Variants in AKAP13 observed in about 807,000 individuals in gnomAD.
AKAP13 encodes A-kinase anchoring protein 13, also known as A-kinase anchor protein 13.
AKAP13 carries 80 observed loss-of-function variants against 264.5 expected under a neutral mutation model. The observed-to-expected ratio is 0.30, with a 90% confidence interval of 0.25 to 0.36. The LOEUF is 0.36. Ranked by LOEUF, AKAP13 falls within the 10% of genes least tolerant of loss-of-function variation. The pLI is 1.00. For missense variants in AKAP13, 3,712 were observed against 3,435.2 expected, an observed-to-expected ratio of 1.08 and a Z score of -2.01; for synonymous variants, 1,380 against 1,250.2, an observed-to-expected ratio of 1.10 and a Z score of -2.19.
chr15:85,560,352 G>T (rs2151260423), intron 5 of AKAP13, among the ~76,000 whole-genome samples: 1 of 151,832 alleles, frequency 6.6e-6, no homozygotes, highest in African/African-American at 2.4e-5. Flanking sequence ...TCCCTGTTTT[G>T]CCCAGCCTGG....
At position 85,581,717 on chromosome 15, in the gene AKAP13, C is replaced by T. The variant is rs777358897; in HGVS notation, c.3649C>T (p.Arg1217Ter). ...CCCAGCTGGTGTGAGGGAAGTCATG[C>T]GAGCCCCGCCTTCAGGCAGGGAAAG... ...GAPAGVREVM[R>*]APPSGRERST... Residue 1217 changes from arginine to a stop codon, truncating the protein, a stop_gained, in exon 7 of 37, where the codon CGA becomes TGA. Coordinates refer to ENST00000394518, the MANE Select transcript of AKAP13 (RefSeq NM_007200.5). LOFTEE classifies it high-confidence loss of function. 2.5e-6 allele frequency: 4 copies of T among 1,614,134 alleles called. No individual in the cohort carries two copies. Among genetic ancestry groups the T allele is most frequent in the Non-Finnish European group, 2.5e-6 (3 of 1,180,012 alleles).
chr15:85,452,459 C>G (rs908725935), intron 1 of AKAP13, among the ~76,000 whole-genome samples: 4 of 152,146 alleles, frequency 2.6e-5, no homozygotes, highest in Admixed American at 6.5e-5. Context: ...ATTTGAGTTA[C>G]TAGAGTTCTT....
chr15:85,704,205 C>A (rs576274950), intron 17 of AKAP13, among the ~76,000 whole-genome samples: 74 of 152,296 alleles, frequency 4.9e-4, no homozygotes, highest in African/African-American at 1.7e-3. Context: ...AACTGAAGTA[C>A]TGGAAGACCT....
chr15:85,553,657 A>G (rs2078041388), intron 5 of AKAP13, among the ~76,000 whole-genome samples: 1 of 152,216 alleles, frequency 6.6e-6, no homozygotes, highest in Admixed American at 6.5e-5. Flanking sequence ...TAAAAAGCAC[A>G]TAAGGAGATT....
At chr15:85,522,711 C>G (rs2076865552) in intron 3 of AKAP13, among the ~76,000 whole-genome samples, 1 of 152,068 alleles carries the variant, frequency 6.6e-6, no homozygotes, top group Non-Finnish European at 1.5e-5. Flanking sequence ...CCTACCCAAG[C>G]CAAGCAGAAT....
At chr15:85,425,600 C>T (rs1170113204) in intron 1 of AKAP13, among the ~76,000 whole-genome samples, 2 of 151,694 alleles carry the variant, frequency 1.3e-5, no homozygotes, top group Non-Finnish European at 1.5e-5. Context: ...CCTGTAATCC[C>T]ATCTACTCGG....
intron 27 of AKAP13, 171 bp from the exon 28 acceptor site, chr15:85,726,895 T>C (rs1384569507): frequency 2.9e-6 from 2 of 699,196 alleles, no homozygotes; most frequent in East Asian, 2.7e-5. Context: ...AATCTTTTTT[T>C]GTTAAAATCT....
chr15:85,715,126 A>C (rs2086854840), intron 19 of AKAP13, among the ~76,000 whole-genome samples: 1 of 152,158 alleles, frequency 6.6e-6, no homozygotes, highest in Non-Finnish European at 1.5e-5. Flanking sequence ...TGTTAAAGTA[A>C]ATACAACTTG....
In AKAP13 at chr15:85,580,326, C is replaced by G. The variant is rs771470376; in HGVS notation, c.2258C>G (p.Thr753Arg). ...RKDVKLDKPLTNMLEVVSHPH... is the reference protein window; with the variant it reads ...RKDVKLDKPLRNMLEVVSHPH... Reference sequence around the variant, plus strand: ...GATGTGAAACTAGATAAACCTTTAACAAATATGCTTGAGGTGGTTTCACAT... The same window carrying G: ...GATGTGAAACTAGATAAACCTTTAAGAAATATGCTTGAGGTGGTTTCACAT... The change falls in exon 7 of 37, where the codon ACA becomes AGA. Residue 753 changes from threonine (T) to arginine (R), a missense_variant. Coordinates refer to ENST00000394518, the MANE Select transcript of AKAP13 (RefSeq NM_007200.5). The G allele has an allele frequency of 6.2e-6, 10 of 1,614,206 alleles. No individual in the cohort carries two copies. Among genetic ancestry groups the G allele is most frequent in the Non-Finnish European group, 8.5e-7 (1 of 1,180,034 alleles).
At chr15:85,533,479 A>G (rs2077303546) in intron 3 of AKAP13, 105 bp from the exon 4 acceptor site, 3 of 1,121,846 alleles carry the variant, frequency 2.7e-6, no homozygotes, top group Non-Finnish European at 3.6e-6. Flanking sequence ...GTTTTTTAGG[A>G]GGAGAAATTT....
chr15:85,418,047 TTTATTA>T (rs57875971), intron 1 of AKAP13, among the ~76,000 whole-genome samples: 121 of 146,800 alleles, frequency 8.2e-4, no homozygotes, highest in African/African-American at 2.9e-3. Flanking sequence ...ATCTTCATTA[TTTATTA>T]TTATTATTAT....
Position 85,735,077 on chromosome 15 carries a change from C to T in AKAP13, c.7368C>T (p.Val2456=), listed in dbSNP as rs369617568. ...TVSSPIEQDV[V]GPVSLPRRAE... ...GCAGCCCCATTGAGCAAGATGTGGT[C>T]GGTCCCGTTTCCCTGCCCCGGAGAG... Residue 2456 remains valine, a synonymous_variant, in exon 31 of 37, where the codon GTC becomes GTT. Transcript: ENST00000394518. The T allele has an allele frequency of 2.5e-5, 40 of 1,614,080 alleles. No individual in the cohort carries two copies. Among genetic ancestry groups the T allele is most frequent in the Non-Finnish European group, 2.9e-5 (34 of 1,180,044 alleles).
intron 5 of AKAP13, among the ~76,000 whole-genome samples, chr15:85,555,974 A>C (rs2078129096): frequency 6.6e-6 from 1 of 152,254 alleles, no homozygotes. Flanking sequence ...GCTTCTGATA[A>C]ATATTACATC....
intron 9 of AKAP13, among the ~76,000 whole-genome samples, chr15:85,640,625 C>G (rs1567170199): frequency 6.6e-6 from 1 of 152,150 alleles, no homozygotes; most frequent in Non-Finnish European, 1.5e-5. Flanking sequence ...TGGCCCTGTT[C>G]ACAGATTTAG....
intron 8 of AKAP13, among the ~76,000 whole-genome samples, chr15:85,637,785 A>T (rs2082127446): frequency 6.6e-6 from 1 of 151,656 alleles, no homozygotes; most frequent in African/African-American, 2.4e-5. Context: ...TGCTTTAGTT[A>T]TATCCACACA....
chr15:85,451,174 A>G (rs913097924), intron 1 of AKAP13, among the ~76,000 whole-genome samples: 1 of 151,720 alleles, frequency 6.6e-6, no homozygotes, highest in Admixed American at 6.6e-5. Flanking sequence ...TAGGATTGCA[A>G]CCTTTTTTGT....
chr15:85,658,637 A>G (rs111874174), intron 12 of AKAP13, 47 bp downstream of exon 12: 19 of 1,517,878 alleles, frequency 1.3e-5, no homozygotes, highest in Middle Eastern at 1.7e-4. Context: ...ACCTCTGAGC[A>G]TATACTAACA....
chr15:85,474,865 A>G (rs2075096969), intron 1 of AKAP13, among the ~76,000 whole-genome samples: 1 of 152,196 alleles, frequency 6.6e-6, no homozygotes, highest in Admixed American at 6.5e-5. Flanking sequence ...GGTAACTGAC[A>G]TTTTTAACGT....
chr15:85,580,443 G>C lies in AKAP13; in HGVS notation c.2375G>C (p.Gly792Ala). The C allele has an allele frequency of 6.2e-7, 1 of 1,614,216 alleles. No individual in the cohort carries two copies. The highest frequency in any genetic ancestry group is 8.5e-7 in the Non-Finnish European group (1 of 1,180,046). Residue 792 changes from glycine (G) to alanine (A), a missense_variant, in exon 7 of 37, where the codon GGC becomes GCC. By Grantham distance (60) the Gly-to-Ala change is moderately conservative (BLOSUM62 0). This residue lies in a region of AKAP13 where 2,759 missense variants were observed against 2,411.7 expected (regional missense o/e 1.14). Coordinates refer to ENST00000394518, the MANE Select transcript of AKAP13 (RefSeq NM_007200.5). ...ACTTTCTCTCTGGCAAACAGTCCAGGCAGTGAATCAGTAACCAAGGATGAC... is the reference window on the plus strand; with the variant it reads ...ACTTTCTCTCTGGCAAACAGTCCAGCCAGTGAATCAGTAACCAAGGATGAC... ...DSTFSLANSP[G>A]SESVTKDDAL...
Sources: gnomAD v4.1 joint callset for allele counts (sites outside exome capture counted in the v4.1 genomes callset) on GRCh38, gnomAD v4.1.1 for gene constraint, gnomAD v4.1.1 regional missense constraint, MANE v1.5 for transcripts, NCBI Gene and HGNC (gene_info 2026-07-23, HGNC 2026-07-21) for gene names.